The following POLA1 variants were observed in gnomAD, a reference collection of about 807,000 sequenced individuals.
The protein encoded by POLA1 is DNA polymerase alpha catalytic subunit.
POLA1 carries 15 observed loss-of-function variants against 124.0 expected under a neutral mutation model. The ratio of observed to expected loss-of-function variants is 0.12; its 90% confidence interval spans 0.08 to 0.19. The LOEUF (loss-of-function observed/expected upper bound fraction) is 0.19, where lower values mean the gene tolerates loss of function less well. POLA1 is among the 10% of genes least tolerant of loss of function. The pLI is 1.00. For synonymous variants in POLA1, 408 were observed against 389.4 expected (o/e 1.05, Z -0.56); for missense variants, 886 against 1,103.4 (o/e 0.80, Z 2.79).
intron 34 of POLA1, among the ~76,000 whole-genome samples, chrX:24,861,837 A>G (rs1318440949): frequency 8.9e-6 from 1 of 112,408 alleles, no homozygotes; most frequent in Admixed American, 9.4e-5. Flanking sequence ...GTTCTAAGCA[A>G]TTCTTTTTCA....
At chrX:24,971,201 A>G (rs1309448620) in intron 36 of POLA1, among the ~76,000 whole-genome samples, 1 of 112,331 alleles carries the variant, frequency 8.9e-6, no homozygotes, top group Non-Finnish European at 1.9e-5. Flanking sequence ...AAGGGTGAGC[A>G]CAGGACAGTG....
chrX:24,947,243 A>ATTTT (rs2047973739), intron 36 of POLA1, among the ~76,000 whole-genome samples: 2 of 32,390 alleles, frequency 6.2e-5, no homozygotes, highest in Admixed American at 4.6e-4. Flanking sequence ...TTCCCTGCAG[A>ATTTT]TTCTTTTTTT....
intron 36 of POLA1, among the ~76,000 whole-genome samples, chrX:24,961,569 G>C (rs1440845109): frequency 3.6e-5 from 4 of 110,361 alleles, no homozygotes; most frequent in Non-Finnish European, 7.6e-5. Flanking sequence ...TTTCCTCTTC[G>C]AGTGCCCAGG....
At chrX:24,901,001 C>T (rs2047270593) in intron 35 of POLA1, among the ~76,000 whole-genome samples, 1 of 111,921 alleles carries the variant, frequency 8.9e-6, no homozygotes, top group Admixed American at 9.5e-5. Context: ...TCATATACTC[C>T]AAATTCATTC....
At chrX:24,860,927 C>T (rs769149126) in intron 34 of POLA1, among the ~76,000 whole-genome samples, 1 of 111,845 alleles carries the variant, frequency 8.9e-6, no homozygotes, top group South Asian at 3.8e-4. Flanking sequence ...AGAATCCTAA[C>T]ACCCTGTCCC....
intron 35 of POLA1, among the ~76,000 whole-genome samples, chrX:24,897,304 G>C (rs1176691170): frequency 9.0e-6 from 1 of 110,551 alleles, no homozygotes; most frequent in East Asian, 2.9e-4. Context: ...GCACAGAAGT[G>C]GGGGGCTGTT....
chrX:24,864,668 A>G (rs2046767268), intron 34 of POLA1, among the ~76,000 whole-genome samples: 1 of 110,135 alleles, frequency 9.1e-6, no homozygotes, highest in African/African-American at 3.3e-5. Context: ...CTTCACCTTT[A>G]AGACCTAAAC....
intron 32 of POLA1, among the ~76,000 whole-genome samples, chrX:24,827,324 T>C (rs373098312): frequency 8.9e-6 from 1 of 112,457 alleles, no homozygotes. Flanking sequence ...AAGAGTTACA[T>C]TGCTTTTAAG....
intron 36 of POLA1, among the ~76,000 whole-genome samples, chrX:24,940,306 C>T (rs904770037): frequency 2.7e-5 from 3 of 111,667 alleles, no homozygotes; most frequent in Non-Finnish European, 5.7e-5. Context: ...ATCCCAGAAC[C>T]GTTTTTGGTC....
At chrX:24,750,193 C>T (rs1602330932) in intron 26 of POLA1, among the ~76,000 whole-genome samples, 2 of 112,218 alleles carry the variant, frequency 1.8e-5, no homozygotes, top group Admixed American at 1.9e-4. Context: ...TCACATGGCC[C>T]GCAAAGCCTG....
chrX:24,952,062 T>C (rs2147248121), intron 36 of POLA1, among the ~76,000 whole-genome samples: 1 of 111,708 alleles, frequency 9.0e-6, no homozygotes, highest in South Asian at 3.8e-4. Context: ...CTGAGTGCTT[T>C]GGTAAATGTG....
chrX:24,737,980 G>A (rs1209204348), intron 19 of POLA1, among the ~76,000 whole-genome samples: 4 of 98,992 alleles, frequency 4.0e-5, no homozygotes, highest in African/African-American at 2.0e-4. Flanking sequence ...TTGGGAGGCC[G>A]AGGCGGGTGG....
At chrX:24,808,935 T>C (rs910286280) in intron 26 of POLA1, among the ~76,000 whole-genome samples, 1 of 111,828 alleles carries the variant, frequency 8.9e-6, no homozygotes, top group Admixed American at 9.5e-5. Context: ...AGATGGGTGA[T>C]AGCAGAGAGG....
intron 32 of POLA1, among the ~76,000 whole-genome samples, chrX:24,841,102 A>G (rs979677896): frequency 1.8e-5 from 2 of 112,095 alleles, no homozygotes; most frequent in African/African-American, 6.5e-5. Context: ...AATTTCGAAC[A>G]TCAAGAAAAC....
intron 26 of POLA1, among the ~76,000 whole-genome samples, chrX:24,788,000 C>A (rs111477162): frequency 0.044 from 4,906 of 111,866 alleles, 285 homozygotes; most frequent in African/African-American, 0.15. Context: ...CAGGGCATTA[C>A]AAGAATCATA....
chrX:24,784,345 C>T (rs1318167836), intron 26 of POLA1, among the ~76,000 whole-genome samples: 1 of 110,981 alleles, frequency 9.0e-6, no homozygotes, highest in Non-Finnish European at 1.9e-5. Flanking sequence ...GCCACTGTGC[C>T]TGGCCAAGAT....
chrX:24,747,561 A>G (rs1007380937), intron 24 of POLA1, among the ~76,000 whole-genome samples: 13 of 111,243 alleles, frequency 1.2e-4, no homozygotes, highest in African/African-American at 1.3e-4. Context: ...TTAAAATTCT[A>G]TAGCATTTTG....
At chrX:24,917,430 CTTTT>C in intron 35 of POLA1, among the ~76,000 whole-genome samples, 1 of 111,995 alleles carries the variant, frequency 8.9e-6, no homozygotes, top group Non-Finnish European at 1.9e-5. Context: ...AATACCCTTT[CTTTT>C]ATTACTTTTT....
At chrX:24,746,040 G>A (rs914565076) in intron 24 of POLA1, among the ~76,000 whole-genome samples, 13 of 111,053 alleles carry the variant, frequency 1.2e-4, no homozygotes, top group African/African-American at 3.9e-4. Flanking sequence ...ACCACATTTT[G>A]TTCTTTTTTG....
Sources: gnomAD v4.1 joint callset for allele counts (sites outside exome capture counted in the v4.1 genomes callset) on GRCh38, gnomAD v4.1.1 for gene constraint, MANE v1.5 for transcripts, NCBI Gene and HGNC (gene_info 2026-07-23, HGNC 2026-07-21) for gene names.